The following GALNT1 variants were observed in gnomAD, a reference collection of about 807,000 sequenced individuals.
GALNT1 encodes the protein polypeptide N-acetylgalactosaminyltransferase 1.
In GALNT1, 17 loss-of-function variants were observed where a neutral mutation model predicts 65.7. The ratio of observed to expected loss-of-function variants is 0.26; its 90% CI spans 0.18 to 0.39. The LOEUF (loss-of-function observed/expected upper bound fraction) is 0.39, where lower values mean the gene tolerates loss of function less well. Ranked by LOEUF, GALNT1 falls within the 10% of genes least tolerant of loss-of-function variation. The pLI, the probability that GALNT1 is intolerant of heterozygous loss-of-function variation, is 1.00. For synonymous variants in GALNT1, 210 were observed against 219.7 expected, an observed-to-expected ratio of 0.96 and a Z score of 0.39; for missense variants, 460 against 672.8, an observed-to-expected ratio of 0.68 and a Z score of 3.50.
At chr18:35,624,341 G>A (rs1356840396) in intron 1 of GALNT1, among the ~76,000 whole-genome samples, 2 of 152,220 alleles carry the variant, frequency 1.3e-5, no homozygotes, top group Admixed American at 6.5e-5. Context: ...TCTGCACAGT[G>A]TAGGCTGGTA....
intron 9 of GALNT1, among the ~76,000 whole-genome samples, chr18:35,695,255 A>G (rs1568035009): frequency 6.6e-6 from 1 of 151,022 alleles, no homozygotes; most frequent in Non-Finnish European, 1.5e-5. Context: ...ATCTGTACAC[A>G]AGTAGAGGGT....
intron 5 of GALNT1, among the ~76,000 whole-genome samples, chr18:35,686,240 A>G (rs905771869): frequency 1.3e-5 from 2 of 152,244 alleles, no homozygotes; most frequent in African/African-American, 4.8e-5. Flanking sequence ...AGAGAAATGG[A>G]TAGGAAAGTC....
chr18:35,602,105 A>G (rs1306572042), intron 1 of GALNT1, among the ~76,000 whole-genome samples: 1 of 152,142 alleles, frequency 6.6e-6, no homozygotes, highest in Non-Finnish European at 1.5e-5. Flanking sequence ...GAAATACTTG[A>G]TCTCTCCATG....
At chr18:35,620,287 T>C (rs1156229900) in intron 1 of GALNT1, among the ~76,000 whole-genome samples, 6 of 152,148 alleles carry the variant, frequency 3.9e-5, no homozygotes, top group African/African-American at 1.4e-4. Context: ...CTCTGTGAAG[T>C]TGGTCCCTTT....
chr18:35,642,420 ATACTCG>A (rs1013858931), intron 1 of GALNT1, among the ~76,000 whole-genome samples: 4 of 152,202 alleles, frequency 2.6e-5, no homozygotes, highest in African/African-American at 9.7e-5. Flanking sequence ...ATTGTTAAAG[ATACTCG>A]TGAGGTTAAA....
At chr18:35,628,885 G>A (rs983290539) in intron 1 of GALNT1, among the ~76,000 whole-genome samples, 1 of 152,244 alleles carries the variant, frequency 6.6e-6, no homozygotes, top group African/African-American at 2.4e-5. Context: ...ACCTGATGGA[G>A]CTGAAAACCA....
At chr18:35,616,824 C>T (rs2046789485) in intron 1 of GALNT1, among the ~76,000 whole-genome samples, 2 of 152,032 alleles carry the variant, frequency 1.3e-5, no homozygotes, top group Admixed American at 1.3e-4. Flanking sequence ...TCAGACCTTC[C>T]AGTCCTCTAG....
chr18:35,697,828 T>C (rs2048085042), intron 9 of GALNT1, among the ~76,000 whole-genome samples: 1 of 152,252 alleles, frequency 6.6e-6, no homozygotes, highest in Admixed American at 6.5e-5. Context: ...GTACATCGTT[T>C]CTAGATTGTT....
intron 2 of GALNT1, among the ~76,000 whole-genome samples, chr18:35,661,512 C>CAAA (rs564762610): frequency 0.077 from 11,018 of 143,690 alleles, 430 homozygotes; most frequent in African/African-American, 0.096. Flanking sequence ...AAAAAAAAAT[C>CAAA]AAAAAAAAAA....
chr18:35,632,375 G>C (rs1875306456), intron 1 of GALNT1, among the ~76,000 whole-genome samples: 1 of 152,114 alleles, frequency 6.6e-6, no homozygotes. Flanking sequence ...GAACAGAACA[G>C]AGCCCTCAGA....
At chr18:35,695,974 G>A (rs904994067) in intron 9 of GALNT1, among the ~76,000 whole-genome samples, 10 of 152,148 alleles carry the variant, frequency 6.6e-5, no homozygotes, top group African/African-American at 9.7e-5. Context: ...GAGTTCGGGC[G>A]TGTGACAAAG....
intron 1 of GALNT1, among the ~76,000 whole-genome samples, chr18:35,652,235 C>T (rs1374430628): frequency 6.6e-6 from 1 of 152,104 alleles, no homozygotes; most frequent in African/African-American, 2.4e-5. Flanking sequence ...GTAATAGAAA[C>T]CCCAAATTAC....
At chr18:35,627,273 C>T (rs906136003) in intron 1 of GALNT1, among the ~76,000 whole-genome samples, 12 of 152,284 alleles carry the variant, frequency 7.9e-5, no homozygotes, top group South Asian at 2.1e-4. Flanking sequence ...TTTTGTGCCA[C>T]GTACTGTGCT....
chr18:35,643,586 A>C (rs1470427874), intron 1 of GALNT1, among the ~76,000 whole-genome samples: 1 of 152,106 alleles, frequency 6.6e-6, no homozygotes. Flanking sequence ...CCACAGTGAA[A>C]CCCCATCTCT....
At chr18:35,683,905 A>G (rs1056599241) in intron 5 of GALNT1, among the ~76,000 whole-genome samples, 2 of 152,250 alleles carry the variant, frequency 1.3e-5, no homozygotes, top group Non-Finnish European at 2.9e-5. Context: ...GGAAGACAGC[A>G]TAAAACCCTT....
chr18:35,667,031 G>T (rs2047559471), intron 3 of GALNT1, among the ~76,000 whole-genome samples: 1 of 151,992 alleles, frequency 6.6e-6, no homozygotes, highest in South Asian at 2.1e-4. Context: ...GAACCCTCTT[G>T]TATTTACCAC....
intron 2 of GALNT1, among the ~76,000 whole-genome samples, chr18:35,659,611 T>A (rs1191920732): frequency 1.3e-5 from 2 of 152,310 alleles, no homozygotes; most frequent in African/African-American, 4.8e-5. Context: ...TCAGTATTTT[T>A]AAAGATGCAG....
intron 1 of GALNT1, among the ~76,000 whole-genome samples, chr18:35,635,225 TAG>T (rs1448751529): frequency 6.6e-6 from 1 of 152,152 alleles, no homozygotes; most frequent in Non-Finnish European, 1.5e-5. Context: ...CAGTGAGTGA[TAG>T]AGACACATGC....
intron 1 of GALNT1, among the ~76,000 whole-genome samples, chr18:35,614,057 A>G (rs751251358): frequency 3.3e-5 from 5 of 152,192 alleles, no homozygotes; most frequent in African/African-American, 4.8e-5. Flanking sequence ...TATATAAACC[A>G]TGAGTTAATC....
Sources: allele counts gnomAD v4.1 joint callset (sites outside exome capture counted in the v4.1 genomes callset), GRCh38; gene constraint gnomAD v4.1.1; transcripts MANE v1.5; gene names NCBI Gene and HGNC (gene_info 2026-07-23, HGNC 2026-07-21).